CACNA1D: variants seen among roughly 807,000 people sequenced by gnomAD.
The protein encoded by CACNA1D is calcium voltage-gated channel subunit alpha1 D.
CACNA1D carries 55 observed loss-of-function variants against 257.1 expected under a neutral mutation model. That is an observed-to-expected ratio of 0.21 (90% CI 0.17 to 0.27). The LOEUF (loss-of-function observed/expected upper bound fraction) is 0.27. Among genes scored for constraint, CACNA1D ranks in the 10% least tolerant of loss-of-function variants. The probability of loss-of-function intolerance (pLI) is 1.00; values close to 1 mark genes in which losing one functional copy is unlikely to be tolerated. For synonymous variants in CACNA1D, 980 were observed against 1,014.9 expected (o/e 0.97, Z 0.65); for missense variants, 1,876 against 2,784.0 (o/e 0.67, Z 7.34).
chr3:53,732,459 A>G (rs1378839290), intron 18 of CACNA1D, among the ~76,000 whole-genome samples: 1 of 152,204 alleles, frequency 6.6e-6, no homozygotes, highest in Non-Finnish European at 1.5e-5. Context: ...AAAGTCCCAC[A>G]CAGTTTCTCA....
chr3:53,620,578 A>G (rs1368741976), intron 3 of CACNA1D, among the ~76,000 whole-genome samples: 1 of 137,262 alleles, frequency 7.3e-6, no homozygotes, highest in Non-Finnish European at 1.6e-5. Context: ...GGCGTGAGCC[A>G]TGATTCCCCA....
intron 7 of CACNA1D, among the ~76,000 whole-genome samples, chr3:53,667,245 T>C (rs1277681832): frequency 1.3e-5 from 2 of 152,230 alleles, no homozygotes; most frequent in East Asian, 1.9e-4. Context: ...TGATTCCTCT[T>C]GTTCCTGATA....
chr3:53,584,331 G>A (rs1260345533), intron 3 of CACNA1D, among the ~76,000 whole-genome samples: 2 of 152,200 alleles, frequency 1.3e-5, no homozygotes, highest in African/African-American at 2.4e-5. Flanking sequence ...ATGAAGCATT[G>A]TAAGAAACTT....
intron 40 of CACNA1D, chr3:53,790,835 A>G: frequency 1.6e-6 from 1 of 628,460 alleles, no homozygotes; most frequent in South Asian, 1.9e-5. Context: ...TCTAAAAAGT[A>G]GTGGAGTTTT....
intron 39 of CACNA1D, chr3:53,782,009 T>C (rs184223896): frequency 3.7e-6 from 1 of 270,982 alleles, no homozygotes; most frequent in East Asian, 9.1e-5. Context: ...AAAACTAGTT[T>C]CCAATTACCC....
At chr3:53,732,183 AC>A in intron 18 of CACNA1D, 101 bp downstream of exon 18, 1 of 915,382 alleles carries the variant, frequency 1.1e-6, no homozygotes, top group Admixed American at 1.8e-5. Context: ...AGCAGCGTGC[AC>A]ATGAGCTGCT....
intron 3 of CACNA1D, among the ~76,000 whole-genome samples, chr3:53,628,180 T>C (rs998498594): frequency 2.6e-5 from 4 of 152,202 alleles, no homozygotes; most frequent in African/African-American, 9.7e-5. Context: ...CTACTATACC[T>C]TAGATACACA....
At chr3:53,689,425 G>C (rs1422766896) in intron 8 of CACNA1D, among the ~76,000 whole-genome samples, 3 of 151,950 alleles carry the variant, frequency 2.0e-5, no homozygotes, top group Non-Finnish European at 2.9e-5. Context: ...GTGCCTGGAA[G>C]GTAAAGCTGC....
At chr3:53,786,796 G>C in intron 39 of CACNA1D, 26 bp from the exon 40 acceptor site, 1 of 1,609,998 alleles carries the variant, frequency 6.2e-7, no homozygotes, top group Non-Finnish European at 8.5e-7. Context: ...TGATTCGGGA[G>C]AGCTCTGTCT....
At chr3:53,596,489 A>G (rs904901054) in intron 3 of CACNA1D, among the ~76,000 whole-genome samples, 1 of 152,166 alleles carries the variant, frequency 6.6e-6, no homozygotes, top group Non-Finnish European at 1.5e-5. Context: ...ATGTTACCTT[A>G]CATGGCAAAA....
At chr3:53,581,756 G>A (rs899167084) in intron 3 of CACNA1D, among the ~76,000 whole-genome samples, 1 of 152,194 alleles carries the variant, frequency 6.6e-6, no homozygotes, top group Non-Finnish European at 1.5e-5. Flanking sequence ...ACTCAGAAAT[G>A]TGCTGTTGTC....
chr3:53,765,281 AG>A (rs1168432769), intron 30 of CACNA1D, among the ~76,000 whole-genome samples: 1 of 152,092 alleles, frequency 6.6e-6, no homozygotes, highest in East Asian at 1.9e-4. Context: ...CCCTGAGCTG[AG>A]GGGTCAGCTG....
At chr3:53,575,163 G>A (rs956535000) in intron 3 of CACNA1D, among the ~76,000 whole-genome samples, 1 of 152,228 alleles carries the variant, frequency 6.6e-6, no homozygotes, top group Non-Finnish European at 1.5e-5. Context: ...GGCGGCAGAG[G>A]TGCCCATACC....
At chr3:53,593,087 G>A (rs2093327839) in intron 3 of CACNA1D, among the ~76,000 whole-genome samples, 1 of 152,106 alleles carries the variant, frequency 6.6e-6, no homozygotes, top group South Asian at 2.1e-4. Flanking sequence ...CCTTTTTCAC[G>A]GTCTGGGGGA....
chr3:53,664,792 A>G (rs2094243119), intron 5 of CACNA1D, among the ~76,000 whole-genome samples: 1 of 152,270 alleles, frequency 6.6e-6, no homozygotes, highest in Admixed American at 6.5e-5. Flanking sequence ...ATGGGAATAA[A>G]GACAAAGACA....
intron 5 of CACNA1D, among the ~76,000 whole-genome samples, chr3:53,660,551 G>C (rs3774518): frequency 0.04 from 6,058 of 152,262 alleles, 323 homozygotes; most frequent in East Asian, 0.26. Flanking sequence ...GAGACCTTGG[G>C]TTCAGGCCTT....
At chr3:53,777,785 C>T (rs959222044) in intron 37 of CACNA1D, among the ~76,000 whole-genome samples, 11 of 152,228 alleles carry the variant, frequency 7.2e-5, no homozygotes, top group African/African-American at 1.7e-4. Context: ...TGCCAGAGCA[C>T]GCTCTCAGGA....
chr3:53,673,033 C>T lies in CACNA1D; in HGVS notation c.1127C>T (p.Ala376Val), dbSNP rs1031125448. The change falls in exon 8 of 48, where the codon GCT becomes GTT. Residue 376 changes from alanine to valine, a missense_variant. Around this residue, in one of 10 missense-constraint regions of CACNA1D, gnomAD observed 188 missense variants for 390.4 expected, o/e 0.48. Coordinates refer to ENST00000350061, the MANE Select transcript of CACNA1D (RefSeq NM_001128840.3). The surrounding 1 kb of genome is among the most constrained non-coding windows in gnomAD (Gnocchi z 4.1). ...WTDVLYWMND[A>V]MGFELPWVYF... ...TCTTATTTCTTGCAGATGAATGATG[C>T]TATGGGATTTGAATTGCCCTGGGTG... The T allele has an allele frequency of 1.3e-6, 2 of 1,550,814 alleles. No homozygotes were observed. The highest frequency in any genetic ancestry group is 1.7e-6 in the Non-Finnish European group (2 of 1,146,094).
Position 53,732,043 on chromosome 3 carries a change from G to A in CACNA1D, c.2434G>A (p.Asp812Asn). 1 of 1,612,322 alleles carries A rather than the reference G, an allele frequency of 6.2e-7. No homozygotes were observed. Among genetic ancestry groups the A allele is most frequent in the Non-Finnish European group, 8.5e-7 (1 of 1,178,266 alleles). ...TACAATTGATGACTATAGAGAAGAG[G>A]ATGAAGACAAGGACCCCTATCCGCC... ...KVTIDDYREEDEDKDPYPPCD... is the reference protein window; with the variant it reads ...KVTIDDYREENEDKDPYPPCD... The change falls in exon 18 of 48, where the codon GAT becomes AAT. Residue 812 changes from aspartate (D) to asparagine (N), a missense_variant. By Grantham distance (23) the Asp-to-Asn change is conservative. This residue lies in a region of CACNA1D where 78 missense variants were observed against 69.2 expected (regional missense o/e 1.13). Coordinates refer to ENST00000350061, the MANE Select transcript of CACNA1D (RefSeq NM_001128840.3).
Sources: allele counts gnomAD v4.1 joint callset (sites outside exome capture counted in the v4.1 genomes callset), GRCh38; gene constraint gnomAD v4.1.1; regional missense constraint gnomAD v4.1.1; non-coding constraint Gnocchi (gnomAD v3.1); transcripts MANE v1.5; gene names NCBI Gene and HGNC (gene_info 2026-07-23, HGNC 2026-07-21).